KIF5A: variants seen among roughly 807,000 people sequenced by gnomAD.
The protein encoded by KIF5A is kinesin heavy chain isoform 5A.
In KIF5A, 35 loss-of-function variants were observed where a neutral mutation model predicts 141.3. The ratio of observed to expected loss-of-function variants is 0.25; its 90% confidence interval spans 0.19 to 0.33. The LOEUF is 0.33. KIF5A is among the 10% of genes least tolerant of loss of function. KIF5A has a pLI of 1.00. For missense variants in KIF5A, 861 were observed against 1,314.3 expected (o/e 0.66, Z 5.33); for synonymous variants, 448 against 500.2 (o/e 0.90, Z 1.39).
Position 57,569,185 on chromosome 12 carries a change from C to T in KIF5A, c.820-71C>T. ...GGGTTGTCTGATCCCGGGGTGGCAC[C>T]ACTATCCTTTCTGATTCCCTGTTGA... is the stretch of plus-strand genomic sequence containing the variant. On this transcript the variant is annotated intron_variant, in intron 9 of 28. Transcript: ENST00000455537. 4 of 1,596,700 alleles carry T rather than the reference C, an allele frequency of 2.5e-6. No individual in the cohort carries two copies. The South Asian group carries it at 4.4e-5, about 18-fold the overall frequency.
chr12:57,581,134 A>G lies in KIF5A; in HGVS notation c.2717A>G (p.Tyr906Cys). 1.9e-6 allele frequency: 3 copies of G among 1,614,132 alleles called. No homozygotes were observed. The highest frequency in any genetic ancestry group is 2.2e-5 in the East Asian group (1 of 44,890). ...EVDRIKEAVR[Y>C]KSSGKRGHSA... ...GACCGCATCAAGGAGGCCGTTCGCT[A>G]CAAGAGCTCGGGCAAACGGGGCCAT... The change falls in exon 24 of 29, where the codon TAC becomes TGC. Residue 906 changes from tyrosine (Y) to cysteine (C), a missense_variant. Transcript: ENST00000455537.
Position 57,569,544 on chromosome 12 carries a change from C to G in KIF5A, c.978C>G (p.Thr326=), listed in dbSNP as rs1403364019. 6.2e-7 allele frequency: 1 copy of G among 1,614,052 alleles called. No homozygotes were observed. Among genetic ancestry groups the G allele is most frequent in the Non-Finnish European group, 8.5e-7 (1 of 1,180,022 alleles). ...STLMFGQRAK[T]IKNTASVNLE... The stretch of plus-strand genomic sequence containing the variant: ...TCTTCTCCTCACCCAGGGCAAAGAC[C>G]ATTAAGAACACTGCCTCAGTAAATT... The change falls in exon 11 of 29, where the codon ACC becomes ACG. Residue 326 remains threonine, a synonymous_variant. Transcript: ENST00000455537.
At chr12:57,580,850 TTTTTC>T in intron 23 of KIF5A, 101 bp from the exon 24 acceptor site, 1 of 1,009,874 alleles carries the variant, frequency 9.9e-7, no homozygotes, top group Non-Finnish European at 1.5e-6. Context: ...TGACTCCTGA[TTTTTC>T]TTTATTCTCT....
At position 57,550,461 on chromosome 12, in the gene KIF5A, C is replaced by G; in HGVS notation, c.129+61C>G. The G allele has an allele frequency of 6.4e-7, 1 of 1,567,502 alleles. No individual in the cohort carries two copies. The highest frequency in any genetic ancestry group is 1.1e-5 in the South Asian group (1 of 89,958). ...CAGGTGGCTGAATCTCCCCGCCCCC[C>G]GCAGAGCCTTAGTCTCTGCTGGTCC... On this transcript the variant is annotated intron_variant, in intron 1 of 28. Coordinates refer to ENST00000455537, the MANE Select transcript of KIF5A (RefSeq NM_004984.4). The surrounding 1 kb of genome is among the most constrained non-coding windows in gnomAD (Gnocchi z 4.6).
chr12:57,576,211 C>T (rs1565702299), intron 18 of KIF5A, 58 bp from the exon 19 acceptor site: 2 of 1,610,408 alleles, frequency 1.2e-6, no homozygotes, highest in Non-Finnish European at 1.7e-6. Flanking sequence ...TGTGCTGGCC[C>T]TCACAGAGCT....
intron 1 of KIF5A, among the ~76,000 whole-genome samples, chr12:57,558,143 A>ATGCC (rs1348598582): frequency 2.0e-5 from 3 of 152,076 alleles, no homozygotes; most frequent in Admixed American, 1.3e-4. Flanking sequence ...GTGGTGGCTC[A>ATGCC]TGCCTGTAAT....
intron 9 of KIF5A, 42 bp from the exon 10 acceptor site, chr12:57,569,214 T>G (rs368377316): frequency 6.2e-7 from 1 of 1,612,176 alleles, no homozygotes; most frequent in African/African-American, 1.3e-5. Flanking sequence ...CTGTTGAATT[T>G]TATTTGTTTA....
At chr12:57,579,232 AG>A (rs1265202227) in intron 23 of KIF5A, among the ~76,000 whole-genome samples, 1 of 152,120 alleles carries the variant, frequency 6.6e-6, no homozygotes, top group Admixed American at 6.6e-5. Context: ...GCAGAAGGGC[AG>A]TCCAAAGGAG....
Position 57,550,493 on chromosome 12 carries a change from T to G in KIF5A, c.129+93T>G. On this transcript the variant is annotated intron_variant, in intron 1 of 28. Transcript: ENST00000455537. The surrounding 1 kb of genome is among the most constrained non-coding windows in gnomAD (Gnocchi z 4.6). ...CCTTAGTCTCTGCTGGTCCCTTTGC[T>G]CCCCCTCCCCGCCGCTCATCCTTCA... The G allele has an allele frequency of 8.1e-7, 1 of 1,241,924 alleles. No homozygotes were observed. Among genetic ancestry groups the G allele is most frequent in the Non-Finnish European group, 1.1e-6 (1 of 885,754 alleles). The allele number at this position is 1,241,924 out of a possible 1,614,324, so 76.9% of individuals were successfully genotyped here.
At chr12:57,575,507 C>T in intron 16 of KIF5A, 133 bp from the exon 17 acceptor site, 2 of 919,378 alleles carry the variant, frequency 2.2e-6, no homozygotes, top group Non-Finnish European at 3.6e-6. Context: ...TAGGAATGGC[C>T]CCCAACCCTG....
chr12:57,578,945 T>C (rs1882511733), intron 23 of KIF5A, among the ~76,000 whole-genome samples: 1 of 152,098 alleles, frequency 6.6e-6, no homozygotes, highest in South Asian at 2.1e-4. Context: ...ACACCCATAG[T>C]CCCAGCTACT....
Position 57,575,623 on chromosome 12 carries a change from C to G in KIF5A, c.1906-17C>G. ...CTTTGCTCCATCTTCTTCCTCTCACCAACTTTCTCCCACCAGCATGAGGCC... is the reference window on the plus strand; with the variant it reads ...CTTTGCTCCATCTTCTTCCTCTCACGAACTTTCTCCCACCAGCATGAGGCC... On this transcript the variant is annotated splice_polypyrimidine_tract_variant and intron_variant, in intron 16 of 28. Coordinates refer to ENST00000455537, the MANE Select transcript of KIF5A (RefSeq NM_004984.4). 1.2e-6 allele frequency: 2 copies of G among 1,607,978 alleles called. No individual in the cohort carries two copies. The highest frequency in any genetic ancestry group is 1.7e-6 in the Non-Finnish European group (2 of 1,174,422).
chr12:57,577,924 A>G, intron 21 of KIF5A, 85 bp from the exon 22 acceptor site: 2 of 1,274,782 alleles, frequency 1.6e-6, no homozygotes, highest in Non-Finnish European at 2.3e-6. Context: ...TCACTTGATT[A>G]TAGAGACTGG....
intron 6 of KIF5A, among the ~76,000 whole-genome samples, chr12:57,566,659 A>G (rs768660097): frequency 2.6e-5 from 4 of 151,830 alleles, no homozygotes; most frequent in African/African-American, 9.7e-5. Context: ...ATCCACCCAC[A>G]TTGGCCTCCC....
intron 1 of KIF5A, 128 bp from the exon 2 acceptor site, chr12:57,563,309 TCC>T: frequency 8.1e-6 from 6 of 741,448 alleles, no homozygotes; most frequent in Non-Finnish European, 1.5e-5. Flanking sequence ...CCGGCCATTC[TCC>T]CACATTTCTG....
intron 27 of KIF5A, 109 bp downstream of exon 27, chr12:57,582,738 G>T: frequency 5.5e-6 from 5 of 906,806 alleles, no homozygotes; most frequent in Non-Finnish European, 9.3e-6. Flanking sequence ...GGAAGGGGGA[G>T]GGAGTGAGAC....
intron 23 of KIF5A, among the ~76,000 whole-genome samples, chr12:57,579,726 C>T (rs1290286033): frequency 6.6e-6 from 1 of 152,156 alleles, no homozygotes; most frequent in Non-Finnish European, 1.5e-5. Context: ...TGTCCAAATC[C>T]ATATTATGTT....
Position 57,575,993 on chromosome 12 carries a change from C to T in KIF5A, c.2024-94C>T, listed in dbSNP as rs548118498. 9 of 1,227,212 alleles carry T rather than the reference C, an allele frequency of 7.3e-6. No individual in the cohort carries two copies. The South Asian group carries it at 9.7e-5, about 13-fold the overall frequency. The allele number at this position is 1,227,212 out of a possible 1,614,324, so 76.0% of individuals were successfully genotyped here. A position where few individuals can be genotyped will look rare whatever the true frequency, so the allele number is the denominator to read the frequency against. ...ACACAGAAGAACATCCCTGTGGGTC[C>T]ATTCCCAGCCCTGCCTGGAGTTCTG... On this transcript the variant is annotated intron_variant, in intron 17 of 28. Transcript: ENST00000455537.
In KIF5A at chr12:57,578,065, G is replaced by T. The variant is rs113155897; in HGVS notation, c.2418G>T (p.Thr806=). Residue 806 remains threonine (T), a synonymous_variant, in exon 22 of 29, where the codon ACG becomes ACT. Transcript: ENST00000455537. Reference sequence around the variant, plus strand: ...GCAAGCTGTTCGTTCAAGACGTCACGACTCGAGTCAAGAAAGTGAGTGCTG... The same window carrying T: ...GCAAGCTGTTCGTTCAAGACGTCACTACTCGAGTCAAGAAAGTGAGTGCTG... ...NLRKLFVQDV[T]TRVKKSAEME... is the part of the protein sequence containing the mutation. 1.2e-6 allele frequency: 2 copies of T among 1,614,034 alleles called. No homozygotes were observed. The highest frequency in any genetic ancestry group is 1.1e-5 in the South Asian group (1 of 91,070).
Sources: allele counts gnomAD v4.1 joint callset (sites outside exome capture counted in the v4.1 genomes callset), GRCh38; gene constraint gnomAD v4.1.1; non-coding constraint Gnocchi (gnomAD v3.1); transcripts MANE v1.5; gene names NCBI Gene and HGNC (gene_info 2026-07-23, HGNC 2026-07-21).